SNX27: variants seen among roughly 807,000 people sequenced by gnomAD.
SNX27 encodes sorting nexin-27.
Under a neutral mutation model 71.6 loss-of-function variants are expected in SNX27, and 22 were observed. The observed-to-expected ratio is 0.31, with a 90% CI of 0.22 to 0.44. The LOEUF (loss-of-function observed/expected upper bound fraction) is 0.44. Among genes scored for constraint, SNX27 ranks in the 20% least tolerant of loss-of-function variants. SNX27 has a pLI of 1.00. For synonymous variants in SNX27, 269 were observed against 277.2 expected (o/e 0.97, Z 0.29); for missense variants, 531 against 698.6 (o/e 0.76, Z 2.70).
At chr1:151,672,201 T>C (rs1670478122) in intron 7 of SNX27, among the ~76,000 whole-genome samples, 1 of 152,172 alleles carries the variant, frequency 6.6e-6, no homozygotes, top group African/African-American at 2.4e-5. Flanking sequence ...GGGTTTTTAT[T>C]ATGAAAGGAT....
intron 1 of SNX27, among the ~76,000 whole-genome samples, chr1:151,621,311 A>G (rs1455899228): frequency 2.0e-5 from 3 of 152,180 alleles, no homozygotes; most frequent in Non-Finnish European, 4.4e-5. Flanking sequence ...GGTTCTCATA[A>G]TAGTTGAGGA....
rs781279647 is a variant in SNX27 at position 151,668,474 on chromosome 1, C to T, written c.988C>T (p.Arg330Cys). The change falls in exon 7 of 12, where the codon CGT (arginine) becomes TGT (cysteine). Residue 330 changes from arginine (R) to cysteine (C), a missense_variant and splice_region_variant. By Grantham distance (180) the Arg-to-Cys change is radical. Transcript: ENST00000458013. Reference protein sequence around the residue: ...LFEVISHSFVRKLAPNEFPHK... With the variant: ...LFEVISHSFVCKLAPNEFPHK... ...TCTGTGTTTTGTCTTTCCTTTAGTA[C>T]GTAAATTGGCACCTAATGAGTTTCC... 17 of 1,608,564 alleles carry T rather than the reference C, an allele frequency of 1.1e-5. No homozygotes were observed. The highest frequency in any genetic ancestry group is 1.4e-5 in the Non-Finnish European group (17 of 1,178,236).
At chr1:151,626,652 A>G (rs1318721373) in intron 1 of SNX27, among the ~76,000 whole-genome samples, 2 of 152,110 alleles carry the variant, frequency 1.3e-5, no homozygotes, top group African/African-American at 2.4e-5. Flanking sequence ...CAGTGAGCCA[A>G]GATCGTGCCA....
At chr1:151,620,006 C>T (rs1667600476) in intron 1 of SNX27, among the ~76,000 whole-genome samples, 1 of 152,274 alleles carries the variant, frequency 6.6e-6, no homozygotes, top group African/African-American at 2.4e-5. Flanking sequence ...GGAGACAGCT[C>T]ATACAAGGCT....
intron 1 of SNX27, among the ~76,000 whole-genome samples, chr1:151,637,159 T>G (rs906580439): frequency 3.2e-5 from 1 of 30,936 alleles, no homozygotes; most frequent in Non-Finnish European, 2.1e-4. Context: ...TCACGTTTTT[T>G]TTGTTTTTTT....
At chr1:151,681,233 A>ATTTTTTTTTTTTTTTTTTTTTTTT (rs1558071789) in intron 7 of SNX27, among the ~76,000 whole-genome samples, 1 of 87,374 alleles carries the variant, frequency 1.1e-5, no homozygotes, top group African/African-American at 5.0e-5. Flanking sequence ...TAGTCTCTCA[A>ATTTTTTTTTTTTTTTTTTTTTTTT]TCTTTTTTTT....
chr1:151,625,783 CCA>C (rs1667900538), intron 1 of SNX27, among the ~76,000 whole-genome samples: 1 of 131,728 alleles, frequency 7.6e-6, no homozygotes, highest in Non-Finnish European at 1.6e-5. Flanking sequence ...GACTCTGTGT[CCA>C]AAAAAAAAAA....
chr1:151,648,348 C>T (rs562845149), intron 2 of SNX27, among the ~76,000 whole-genome samples: 6 of 152,230 alleles, frequency 3.9e-5, no homozygotes, highest in South Asian at 2.1e-4. Flanking sequence ...TGAGCCACCA[C>T]GCCTGGCGTT....
intron 8 of SNX27, among the ~76,000 whole-genome samples, chr1:151,684,981 G>A (rs1671128312): frequency 6.6e-6 from 1 of 151,952 alleles, no homozygotes; most frequent in Non-Finnish European, 1.5e-5. Flanking sequence ...GCTAATTTTT[G>A]TATTTTTAGT....
intron 2 of SNX27, among the ~76,000 whole-genome samples, chr1:151,644,328 AATCT>A (rs1668925231): frequency 6.6e-6 from 1 of 152,190 alleles, no homozygotes; most frequent in African/African-American, 2.4e-5. Context: ...GGAAAGCACT[AATCT>A]ATCCTCTGTC....
At chr1:151,679,316 TGATGA>T (rs1670837890) in intron 7 of SNX27, 1 of 152,232 alleles carries the variant, frequency 6.6e-6, no homozygotes, top group African/African-American at 2.4e-5. Context: ...TCATTTAAAT[TGATGA>T]GATATTATAT....
At chr1:151,689,336 T>C (rs1297755762) in intron 8 of SNX27, among the ~76,000 whole-genome samples, 1 of 152,170 alleles carries the variant, frequency 6.6e-6, no homozygotes, top group Non-Finnish European at 1.5e-5. Context: ...GCATATATTT[T>C]TCCCTGCATC....
chr1:151,627,718 G>A (rs940546012), intron 1 of SNX27, among the ~76,000 whole-genome samples: 1 of 150,464 alleles, frequency 6.6e-6, no homozygotes, highest in Non-Finnish European at 1.5e-5. Context: ...GTAAGCCACT[G>A]CGCCTGGCCA....
chr1:151,673,114 C>T (rs1019531010), intron 7 of SNX27, among the ~76,000 whole-genome samples: 5 of 151,286 alleles, frequency 3.3e-5, no homozygotes, highest in Admixed American at 6.6e-5. Flanking sequence ...CTATAAAATT[C>T]CTTCTTAGTA....
chr1:151,676,860 A>G (rs1670724054), intron 7 of SNX27: 1 of 152,140 alleles, frequency 6.6e-6, no homozygotes, highest in African/African-American at 2.4e-5. Context: ...CACATAGCAC[A>G]TCAGGATACA....
At chr1:151,675,852 G>T (rs567981072) in intron 7 of SNX27, 2 of 51,154 alleles carry the variant, frequency 3.9e-5, no homozygotes, top group African/African-American at 6.6e-5. Context: ...TTTTATATAG[G>T]CTCTCATTCT....
At chr1:151,637,721 A>G (rs1372953087) in intron 1 of SNX27, among the ~76,000 whole-genome samples, 2 of 152,204 alleles carry the variant, frequency 1.3e-5, no homozygotes, top group African/African-American at 2.4e-5. Context: ...TTCTGTTTAT[A>G]TAAATGGATA....
chr1:151,622,262 G>T (rs1667708199), intron 1 of SNX27, among the ~76,000 whole-genome samples: 1 of 151,980 alleles, frequency 6.6e-6, no homozygotes, highest in Non-Finnish European at 1.5e-5. Context: ...TATTTCAGCT[G>T]TTTTTTTCAG....
intron 1 of SNX27, among the ~76,000 whole-genome samples, chr1:151,623,392 G>A (rs1024616162): frequency 9.2e-5 from 14 of 151,906 alleles, no homozygotes; most frequent in Non-Finnish European, 1.8e-4. Flanking sequence ...CGCCCACCTT[G>A]GCCTCCCAAA....
Sources: gnomAD v4.1 joint callset for allele counts (sites outside exome capture counted in the v4.1 genomes callset) on GRCh38, gnomAD v4.1.1 for gene constraint, MANE v1.5 for transcripts, NCBI Gene and HGNC (gene_info 2026-07-23, HGNC 2026-07-21) for gene names.